Variants in RIMS1 observed in about 807,000 individuals in gnomAD.
RIMS1 encodes regulating synaptic membrane exocytosis protein 1.
In RIMS1, 83 loss-of-function variants were observed where a neutral mutation model predicts 214.1. The observed-to-expected ratio is 0.39, with a 90% CI of 0.32 to 0.47. RIMS1 has a LOEUF of 0.47. Ranked by LOEUF, RIMS1 falls within the 20% of genes least tolerant of loss-of-function variation. The pLI, the probability that RIMS1 is intolerant of heterozygous loss-of-function variation, is 0.99. For missense variants in RIMS1, 2,050 were observed against 2,161.8 expected (o/e 0.95, Z 1.03); for synonymous variants, 793 against 786.8 (o/e 1.01, Z -0.13).
In RIMS1 at chr6:72,161,972, A is replaced by G. The variant is rs1419434741; in HGVS notation, c.472-17603A>G. 2.8e-5 allele frequency among the ~76,000 whole-genome samples: 4 copies of G among 140,528 alleles called. 1 individual carries two copies. Among genetic ancestry groups the G allele is most frequent in the African/African-American group, 4.9e-5 (2 of 40,546 alleles). 92.2% of individuals were successfully genotyped at this position (140,528 alleles called of 152,430 possible). A position where few individuals can be genotyped will look rare whatever the true frequency, so the allele number is the denominator to read the frequency against. On this transcript the variant is annotated intron_variant, in intron 4 of 33. Transcript: ENST00000521978. ...AACTTTCTGTCTTGTTGACCTGTCA[A>G]TTGTTGATAGTGGGGTGTTAAATCT...
At chr6:72,035,064 C>A (rs1819230481) in intron 2 of RIMS1, among the ~76,000 whole-genome samples, 1 of 152,116 alleles carries the variant, frequency 6.6e-6, no homozygotes, top group Admixed American at 6.6e-5. Flanking sequence ...TGCTGCACCA[C>A]CAGCTTGCTA....
At chr6:72,126,971 G>A (rs547816807) in intron 4 of RIMS1, among the ~76,000 whole-genome samples, 9 of 152,204 alleles carry the variant, frequency 5.9e-5, no homozygotes, top group Middle Eastern at 3.4e-3. Context: ...AAAGATACAC[G>A]CACATGCATA....
intron 30 of RIMS1, 63 bp from the exon 31 acceptor site, chr6:72,392,635 G>C: frequency 1.8e-6 from 2 of 1,123,400 alleles, no homozygotes; most frequent in Non-Finnish European, 2.7e-6. Context: ...GTGGAAACTA[G>C]TGAAAAGAAT....
intron 31 of RIMS1, among the ~76,000 whole-genome samples, chr6:72,394,559 C>G (rs964379690): frequency 1.3e-5 from 2 of 151,798 alleles, no homozygotes; most frequent in Non-Finnish European, 2.9e-5. Context: ...AATAAGGAGG[C>G]AAATTCCAGA....
intron 29 of RIMS1, among the ~76,000 whole-genome samples, chr6:72,365,289 A>T (rs2097956064): frequency 6.6e-6 from 1 of 152,160 alleles, no homozygotes; most frequent in African/African-American, 2.4e-5. Context: ...CACTGTTTAT[A>T]TTCCACCTTT....
intron 1 of RIMS1, among the ~76,000 whole-genome samples, chr6:71,906,850 C>T (rs1282748878): frequency 1.3e-5 from 2 of 152,134 alleles, no homozygotes; most frequent in African/African-American, 4.8e-5. Flanking sequence ...ATGTGGGCAA[C>T]ATTAACAACT....
chr6:72,189,177 G>T (rs2049630615), intron 6 of RIMS1, among the ~76,000 whole-genome samples: 1 of 152,162 alleles, frequency 6.6e-6, no homozygotes, highest in Admixed American at 6.5e-5. Flanking sequence ...ACAGTACCAT[G>T]TATTGGACAC....
chr6:72,363,386 G>T (rs1313635671), intron 29 of RIMS1, among the ~76,000 whole-genome samples: 1 of 152,168 alleles, frequency 6.6e-6, no homozygotes, highest in East Asian at 1.9e-4. Flanking sequence ...CATCTAAAGT[G>T]CAGTAGAATG....
At chr6:72,248,774 A>G (rs546371178) in intron 12 of RIMS1, among the ~76,000 whole-genome samples, 1 of 152,174 alleles carries the variant, frequency 6.6e-6, no homozygotes, top group Non-Finnish European at 1.5e-5. Flanking sequence ...CTCCTCTGAT[A>G]ATGTGTGGAT....
At chr6:72,257,007 G>T (rs116931622) in intron 16 of RIMS1, among the ~76,000 whole-genome samples, 2 of 151,682 alleles carry the variant, frequency 1.3e-5, no homozygotes, top group Admixed American at 6.6e-5. Flanking sequence ...CTTAAAATTC[G>T]GCATAAGATC....
intron 4 of RIMS1, among the ~76,000 whole-genome samples, chr6:72,140,629 C>A (rs1029928280): frequency 2.0e-5 from 3 of 151,988 alleles, no homozygotes; most frequent in Non-Finnish European, 4.4e-5. Flanking sequence ...ACTTTGATTT[C>A]TCCAACAAGA....
At chr6:72,004,996 G>T (rs1378163017) in intron 2 of RIMS1, among the ~76,000 whole-genome samples, 2 of 151,684 alleles carry the variant, frequency 1.3e-5, no homozygotes, top group East Asian at 3.9e-4. Flanking sequence ...GGGTTTTTAT[G>T]GTTTTAGGTC....
At chr6:72,306,381 T>G (rs958425346) in intron 26 of RIMS1, among the ~76,000 whole-genome samples, 4 of 152,064 alleles carry the variant, frequency 2.6e-5, no homozygotes, top group African/African-American at 9.7e-5. Context: ...GGTATAAGCT[T>G]TTGAGTCGTT....
At chr6:72,187,812 T>C (rs1163962751) in intron 6 of RIMS1, among the ~76,000 whole-genome samples, 1 of 151,938 alleles carries the variant, frequency 6.6e-6, no homozygotes, top group Non-Finnish European at 1.5e-5. Context: ...TTGATGGAGA[T>C]TGATATGTGT....
chr6:71,897,781 A>G (rs138058777), intron 1 of RIMS1, among the ~76,000 whole-genome samples: 2 of 152,284 alleles, frequency 1.3e-5, no homozygotes, highest in African/African-American at 4.8e-5. Flanking sequence ...TGCCTGGCAT[A>G]GAATAGGTGC....
chr6:72,045,816 T>C (rs1158439046), intron 2 of RIMS1, among the ~76,000 whole-genome samples: 1 of 151,836 alleles, frequency 6.6e-6, no homozygotes, highest in African/African-American at 2.4e-5. Flanking sequence ...GAATTTTTTA[T>C]ATATATTCTT....
chr6:71,999,106 CTTTATT>C (rs1183165382), intron 2 of RIMS1, among the ~76,000 whole-genome samples: 2 of 151,986 alleles, frequency 1.3e-5, no homozygotes, highest in Non-Finnish European at 2.9e-5. Context: ...ATAGAAATAT[CTTTATT>C]TTAAGATAGA....
chr6:72,260,568 T>C (rs118082397), intron 18 of RIMS1, 137 bp from the exon 19 acceptor site: 21,915 of 1,145,982 alleles, frequency 0.019, 261 homozygotes, highest in Non-Finnish European at 0.023. Flanking sequence ...TGTTTATTTT[T>C]GTTTAACCTC....
chr6:71,978,876 A>C (rs1011238344), intron 2 of RIMS1, among the ~76,000 whole-genome samples: 1 of 152,170 alleles, frequency 6.6e-6, no homozygotes, highest in African/African-American at 2.4e-5. Flanking sequence ...TTTAGAATAA[A>C]GTCAGTAGAG....
Sources: gnomAD v4.1 joint callset for allele counts (sites outside exome capture counted in the v4.1 genomes callset) on GRCh38, gnomAD v4.1.1 for gene constraint, MANE v1.5 for transcripts, NCBI Gene and HGNC (gene_info 2026-07-23, HGNC 2026-07-21) for gene names.